The following BCL2 variants were observed in gnomAD, a reference collection of about 807,000 sequenced individuals.
BCL2 encodes BCL2 apoptosis regulator.
Under a neutral mutation model 14.2 loss-of-function variants are expected in BCL2, and 1 was observed. That is an observed-to-expected ratio of 0.07 (90% CI 0.02 to 0.33). BCL2 has a LOEUF of 0.33. Ranked by LOEUF, BCL2 falls within the 10% of genes least tolerant of loss-of-function variation. The probability of loss-of-function intolerance (pLI) is 0.99; values close to 1 mark genes in which losing one functional copy is unlikely to be tolerated. For synonymous variants in BCL2, 151 were observed against 137.2 expected (o/e 1.10, Z -0.70); for missense variants, 247 against 305.9 (o/e 0.81, Z 1.44).
intron 2 of BCL2, among the ~76,000 whole-genome samples, chr18:63,266,164 C>A (rs148169519): frequency 6.7e-4 from 102 of 151,884 alleles, no homozygotes; most frequent in African/African-American, 2.3e-3. Flanking sequence ...TGAGAACAAC[C>A]TAAATATCCA....
intron 2 of BCL2, among the ~76,000 whole-genome samples, chr18:63,189,801 C>A (rs1599233754): frequency 1.3e-5 from 2 of 151,176 alleles, no homozygotes; most frequent in East Asian, 3.9e-4. Flanking sequence ...TCTGAGATAA[C>A]TGATGTTCTC....
intron 2 of BCL2, among the ~76,000 whole-genome samples, chr18:63,206,856 A>G (rs1909851460): frequency 6.6e-6 from 1 of 151,906 alleles, no homozygotes; most frequent in African/African-American, 2.4e-5. Context: ...GAGGAGGAAA[A>G]GAAGGAAGGA....
intron 2 of BCL2, among the ~76,000 whole-genome samples, chr18:63,285,104 G>T (rs994591237): frequency 6.6e-6 from 1 of 152,246 alleles, no homozygotes; most frequent in Non-Finnish European, 1.5e-5. Context: ...CTCACCTGCA[G>T]CTGCACCACC....
chr18:63,162,499 A>G (rs1002483577), intron 2 of BCL2, among the ~76,000 whole-genome samples: 1 of 152,164 alleles, frequency 6.6e-6, no homozygotes, highest in African/African-American at 2.4e-5. Context: ...TGTCAGGCCC[A>G]GCTCGGGGAC....
intron 2 of BCL2, among the ~76,000 whole-genome samples, chr18:63,266,780 C>T (rs1413958724): frequency 2.0e-5 from 3 of 152,152 alleles, no homozygotes; most frequent in African/African-American, 7.2e-5. Flanking sequence ...AGCAAGGTCT[C>T]AGCTTCCTCA....
chr18:63,314,937 T>A (rs1913450898), intron 2 of BCL2: 1 of 152,220 alleles, frequency 6.6e-6, no homozygotes, highest in African/African-American at 2.4e-5. Flanking sequence ...CCAATTTATG[T>A]CTTCCTAAAG....
intron 2 of BCL2, among the ~76,000 whole-genome samples, chr18:63,193,582 A>ATG (rs201003163): frequency 0.059 from 8,249 of 139,266 alleles, 263 homozygotes; most frequent in Non-Finnish European, 0.056. Flanking sequence ...AGTAGTATGT[A>ATG]TGTGTGTGTG....
chr18:63,186,577 T>C (rs1385764518), intron 2 of BCL2, among the ~76,000 whole-genome samples: 1 of 152,264 alleles, frequency 6.6e-6, no homozygotes, highest in East Asian at 1.9e-4. Context: ...GGTCTGTGAT[T>C]TTACTTTCCA....
intron 2 of BCL2, among the ~76,000 whole-genome samples, chr18:63,249,642 G>C (rs979264001): frequency 6.7e-6 from 1 of 150,190 alleles, no homozygotes; most frequent in African/African-American, 2.5e-5. Context: ...CCCAGGAGGC[G>C]GAAGTTGCAG....
At chr18:63,229,834 G>T (rs1223983368) in intron 2 of BCL2, among the ~76,000 whole-genome samples, 1 of 152,166 alleles carries the variant, frequency 6.6e-6, no homozygotes, top group Non-Finnish European at 1.5e-5. Context: ...CATCCATGAG[G>T]ATCTTCTTTA....
chr18:63,157,246 G>A lies in BCL2; in HGVS notation c.586-28487C>T, dbSNP rs928574637. 4.6e-5 allele frequency among the ~76,000 whole-genome samples: 7 copies of A among 152,190 alleles called. No homozygotes were observed. In the South Asian group the frequency reaches 6.2e-4, roughly 14 times the overall value. Reference sequence around the variant, plus strand: ...ACACTGAGTCCCGGAGAGGTGAACTGCCTGTCAGCACGGAAAACAGGACCA... The same window carrying A: ...ACACTGAGTCCCGGAGAGGTGAACTACCTGTCAGCACGGAAAACAGGACCA... On this transcript the variant is annotated intron_variant, in intron 2 of 2. Coordinates refer to ENST00000333681, the MANE Select transcript of BCL2 (RefSeq NM_000633.3).
At position 63,174,820 on chromosome 18, in the gene BCL2, C is replaced by CAAAAAA. The variant is rs953107518; in HGVS notation, c.586-46067_586-46062dup. On this transcript the variant is annotated intron_variant, in intron 2 of 2. Transcript: ENST00000333681. ...GGGGGACAAGAGTGAGACTTTGTCT[C>CAAAAAA]AAAAAAAAAAAAAAAAAAAAGCATT... Among the ~76,000 whole-genome samples the CAAAAAA allele has an allele frequency of 2.4e-3, 170 of 72,244 alleles. 3 individuals carry two copies. Among genetic ancestry groups the CAAAAAA allele is most frequent in the African/African-American group, 7.6e-3 (168 of 22,246 alleles). 47.4% of individuals were successfully genotyped at this position (72,244 alleles called of 152,430 possible).
At chr18:63,181,684 TC>T (rs2144642325) in intron 2 of BCL2, among the ~76,000 whole-genome samples, 1 of 152,334 alleles carries the variant, frequency 6.6e-6, no homozygotes, top group African/African-American at 2.4e-5. Context: ...CAGACATGTG[TC>T]CAACTTCACC....
At chr18:63,163,079 C>G (rs1346797889) in intron 2 of BCL2, among the ~76,000 whole-genome samples, 1 of 152,148 alleles carries the variant, frequency 6.6e-6, no homozygotes, top group African/African-American at 2.4e-5. Context: ...CTCCTCGGTT[C>G]AAGTCATTGG....
rs111584290 is a variant in BCL2, at chr18:63,289,654, G to A, written c.585+28428C>T. ...CATGCCTATAACCCCAGCCCTCGAG[G>A]AGGCCAAGGCAGGTGGATCACTTGA... On this transcript the variant is annotated intron_variant, in intron 2 of 2. Transcript: ENST00000333681. Among the ~76,000 whole-genome samples, 391 of 152,254 alleles carry A rather than the reference G, an allele frequency of 2.6e-3. 3 individuals are homozygous for A. The highest frequency in any genetic ancestry group is 8.8e-3 in the African/African-American group (365 of 41,552).
At chr18:63,252,577 A>ATGGTTTTAAAAATGGGAGTTCCC (rs1911347645) in intron 2 of BCL2, among the ~76,000 whole-genome samples, 1 of 152,058 alleles carries the variant, frequency 6.6e-6, no homozygotes, top group South Asian at 2.1e-4. Context: ...ACAAGATGTG[A>ATGGTTTTAAAAATGGGAGTTCCC]TGGTTTTAAA....
chr18:63,139,180 G>A (rs887870878), intron 2 of BCL2, among the ~76,000 whole-genome samples: 1 of 152,218 alleles, frequency 6.6e-6, no homozygotes, highest in Non-Finnish European at 1.5e-5. Flanking sequence ...AAATACTGCA[G>A]GGCACCTGTG....
At chr18:63,268,342 C>A (rs1911897334) in intron 2 of BCL2, among the ~76,000 whole-genome samples, 1 of 152,170 alleles carries the variant, frequency 6.6e-6, no homozygotes, top group Non-Finnish European at 1.5e-5. Flanking sequence ...GACCTTAGAA[C>A]TGATTTCTAA....
intron 2 of BCL2, among the ~76,000 whole-genome samples, chr18:63,180,284 A>G (rs1346868506): frequency 1.3e-5 from 2 of 152,238 alleles, no homozygotes; most frequent in African/African-American, 4.8e-5. Context: ...TCCCTAGCCA[A>G]ATGGGGAAGA....
Sources: allele counts gnomAD v4.1 joint callset (sites outside exome capture counted in the v4.1 genomes callset), GRCh38; gene constraint gnomAD v4.1.1; transcripts MANE v1.5; gene names NCBI Gene and HGNC (gene_info 2026-07-23, HGNC 2026-07-21).